GULP1: variants seen among roughly 807,000 people sequenced by gnomAD.
GULP1 encodes GULP PTB domain containing engulfment adaptor 1, also known as PTB domain-containing engulfment adapter protein 1.
GULP1 carries 19 observed loss-of-function variants against 40.9 expected under a neutral mutation model. That is an observed-to-expected ratio of 0.46 (90% CI 0.32 to 0.68). The LOEUF (loss-of-function observed/expected upper bound fraction) is 0.68, where lower values mean the gene tolerates loss of function less well. Among genes scored for constraint, GULP1 ranks in the 30% least tolerant of loss-of-function variants. The pLI is 0.03. For missense variants in GULP1, 312 were observed against 362.2 expected (o/e 0.86, Z 1.12); for synonymous variants, 119 against 117.6 (o/e 1.01, Z -0.08).
chr2:188,357,577 G>A (rs1215617065), intron 1 of GULP1, among the ~76,000 whole-genome samples: 2 of 152,086 alleles, frequency 1.3e-5, no homozygotes, highest in Non-Finnish European at 2.9e-5. Flanking sequence ...GAAGGAATGA[G>A]TACTTTTATA....
chr2:188,425,460 T>C (rs961201252), intron 2 of GULP1, among the ~76,000 whole-genome samples: 1 of 152,120 alleles, frequency 6.6e-6, no homozygotes, highest in Non-Finnish European at 1.5e-5. Flanking sequence ...TCCAAGGAAC[T>C]TTGGTTTTGG....
chr2:188,484,996 G>T (rs987633430), intron 4 of GULP1, among the ~76,000 whole-genome samples: 2 of 152,012 alleles, frequency 1.3e-5, no homozygotes, highest in Non-Finnish European at 2.9e-5. Flanking sequence ...CATTTCCACA[G>T]ATATTGTTTG....
chr2:188,586,768 A>C (rs1021712413), intron 10 of GULP1, among the ~76,000 whole-genome samples: 1 of 152,150 alleles, frequency 6.6e-6, no homozygotes, highest in Non-Finnish European at 1.5e-5. Flanking sequence ...GAATCTGGGA[A>C]AAAACATGAA....
At chr2:188,297,024 T>C (rs2035104909) in intron 1 of GULP1, among the ~76,000 whole-genome samples, 1 of 152,056 alleles carries the variant, frequency 6.6e-6, no homozygotes, top group Admixed American at 6.6e-5. Flanking sequence ...CTTTGATGTT[T>C]CTCTATTTGT....
chr2:188,456,848 A>C (rs994101827), intron 2 of GULP1, among the ~76,000 whole-genome samples: 1 of 152,204 alleles, frequency 6.6e-6, no homozygotes, highest in African/African-American at 2.4e-5. Context: ...GCAGAGCCAC[A>C]GGGTACAGAC....
chr2:188,393,013 C>T (rs2050730369), intron 2 of GULP1, among the ~76,000 whole-genome samples: 1 of 151,848 alleles, frequency 6.6e-6, no homozygotes, highest in Non-Finnish European at 1.5e-5. Context: ...TATGGTTTAT[C>T]TTGGAGAATG....
At chr2:188,337,050 A>G (rs1248489649) in intron 1 of GULP1, among the ~76,000 whole-genome samples, 1 of 152,144 alleles carries the variant, frequency 6.6e-6, no homozygotes, top group Non-Finnish European at 1.5e-5. Context: ...TTCCCAGAAT[A>G]GAAACCAGAA....
chr2:188,590,218 C>T (rs1344307992), intron 11 of GULP1: 1 of 152,156 alleles, frequency 6.6e-6, no homozygotes, highest in African/African-American at 2.4e-5. Context: ...AAGCGATCTA[C>T]CCACTTAGAC....
At position 188,514,082 on chromosome 2, in the gene GULP1, T is replaced by TGTGTGTGTGTGTGC. The variant is rs766246317; in HGVS notation, c.91-8673_91-8672insTGTGTGTGTGTGCG. 3.9e-4 allele frequency among the ~76,000 whole-genome samples: 58 copies of TGTGTGTGTGTGTGC among 149,350 alleles called. 1 individual carries two copies. Among genetic ancestry groups the TGTGTGTGTGTGTGC allele is most frequent in the South Asian group, 1.7e-3 (8 of 4,736 alleles). On this transcript the variant is annotated intron_variant, in intron 4 of 11. Transcript: ENST00000409830. The stretch of plus-strand genomic sequence containing the variant: ...GTGTGTGTGTGTGTGTGTGTGTGTG[T>TGTGTGTGTGTGTGC]GCGCCCTGCCACTGGGTGGCGTCCT...
intron 1 of GULP1, among the ~76,000 whole-genome samples, chr2:188,358,054 G>A (rs567301719): frequency 5.9e-5 from 9 of 152,118 alleles, no homozygotes; most frequent in Non-Finnish European, 1.2e-4. Context: ...GGTGGCACAC[G>A]CCTGTAGTCC....
chr2:188,587,521 A>C (rs1441636018), intron 10 of GULP1, among the ~76,000 whole-genome samples: 1 of 152,136 alleles, frequency 6.6e-6, no homozygotes, highest in Non-Finnish European at 1.5e-5. Flanking sequence ...AATTTTAGCA[A>C]ATTTAAATTG....
At chr2:188,568,180 A>G (rs1698223684) in intron 7 of GULP1, among the ~76,000 whole-genome samples, 1 of 152,174 alleles carries the variant, frequency 6.6e-6, no homozygotes, top group South Asian at 2.1e-4. Flanking sequence ...TGATTAACAA[A>G]GCATGTTTTC....
intron 1 of GULP1, chr2:188,293,914 G>A (rs1426300611): frequency 1.3e-5 from 2 of 152,216 alleles, no homozygotes; most frequent in Non-Finnish European, 2.9e-5. Flanking sequence ...TAAACAAGAG[G>A]TTTCTTTTGC....
intron 7 of GULP1, among the ~76,000 whole-genome samples, chr2:188,557,489 ACTC>A (rs1695076539): frequency 6.6e-6 from 1 of 152,150 alleles, no homozygotes; most frequent in Non-Finnish European, 1.5e-5. Flanking sequence ...ATCTTCTTTG[ACTC>A]CATGTCCCAT....
intron 2 of GULP1, among the ~76,000 whole-genome samples, chr2:188,462,227 A>G (rs1002995030): frequency 6.6e-6 from 1 of 151,998 alleles, no homozygotes; most frequent in Non-Finnish European, 1.5e-5. Context: ...TTATGTCTTT[A>G]TATAGTTTCC....
At chr2:188,481,513 C>T (rs2061445718) in intron 3 of GULP1, among the ~76,000 whole-genome samples, 1 of 151,876 alleles carries the variant, frequency 6.6e-6, no homozygotes, top group East Asian at 1.9e-4. Context: ...TACAGCTTAT[C>T]CACTGGAATT....
intron 2 of GULP1, among the ~76,000 whole-genome samples, chr2:188,399,706 A>AAAC (rs1553540272): frequency 7.3e-4 from 109 of 150,058 alleles, no homozygotes; most frequent in Non-Finnish European, 1.1e-3. Flanking sequence ...AAAAAAAAAA[A>AAAC]AAAAAAAACA....
chr2:188,585,276 C>A (rs879892102), intron 10 of GULP1, among the ~76,000 whole-genome samples: 3 of 152,166 alleles, frequency 2.0e-5, no homozygotes, highest in African/African-American at 7.2e-5. Flanking sequence ...GAGTGACAGG[C>A]ACACAGTGCA....
intron 1 of GULP1, among the ~76,000 whole-genome samples, chr2:188,376,185 A>C (rs1410144370): frequency 6.6e-6 from 1 of 152,224 alleles, no homozygotes. Context: ...TGATAAACTA[A>C]ATGCAAAGAT....
Sources: allele counts gnomAD v4.1 joint callset (sites outside exome capture counted in the v4.1 genomes callset), GRCh38; gene constraint gnomAD v4.1.1; transcripts MANE v1.5; gene names NCBI Gene and HGNC (gene_info 2026-07-23, HGNC 2026-07-21).